BCAS3: variants seen among roughly 807,000 people sequenced by gnomAD.
BCAS3 encodes the protein BCAS3 microtubule associated cell migration factor.
BCAS3 carries 53 observed loss-of-function variants against 116.1 expected under a neutral mutation model. That is an observed-to-expected ratio of 0.46 (90% CI 0.37 to 0.57). BCAS3 has a LOEUF of 0.57. Among genes scored for constraint, BCAS3 ranks in the 20% least tolerant of loss-of-function variants. The pLI, the probability that BCAS3 is intolerant of heterozygous loss-of-function variation, is 0.00. For synonymous variants in BCAS3, 391 were observed against 408.2 expected (o/e 0.96, Z 0.51); for missense variants, 917 against 1,165.4 (o/e 0.79, Z 3.10).
intron 14 of BCAS3, among the ~76,000 whole-genome samples, chr17:60,975,163 G>A (rs971013340): frequency 2.0e-5 from 3 of 151,314 alleles, no homozygotes; most frequent in Non-Finnish European, 2.9e-5. Flanking sequence ...CACCGCGCCC[G>A]GCTAATTTTT....
intron 19 of BCAS3, among the ~76,000 whole-genome samples, chr17:61,049,260 C>G (rs985868916): frequency 4.0e-5 from 6 of 151,846 alleles, no homozygotes; most frequent in African/African-American, 1.5e-4. Flanking sequence ...ATGATTCTGT[C>G]ACTGCACTCC....
chr17:61,038,258 T>C (rs771576457), intron 18 of BCAS3, among the ~76,000 whole-genome samples: 18 of 151,896 alleles, frequency 1.2e-4, no homozygotes, highest in African/African-American at 2.2e-4. Context: ...CTCTACAGAT[T>C]AGTTTACAGT....
At position 61,269,297 on chromosome 17, in the gene BCAS3, T is replaced by C. The variant is rs368986152; in HGVS notation, c.2426-99030T>C. Among the ~76,000 whole-genome samples, 4 of 152,034 alleles carry C rather than the reference T, an allele frequency of 2.6e-5. No homozygotes were observed. In the East Asian group the frequency reaches 7.7e-4, roughly 29 times the overall value. ...ACCTGGCTAATTTTGTGTTTTTTAG[T>C]AGAGATGGGGTTTCTCCATGTTGGT... On this transcript the variant is annotated intron_variant, in intron 22 of 23. Coordinates refer to ENST00000407086, the MANE Select transcript of BCAS3 (RefSeq NM_017679.5).
At chr17:60,706,987 G>GTAT (rs1210105138) in intron 4 of BCAS3, among the ~76,000 whole-genome samples, 1 of 150,898 alleles carries the variant, frequency 6.6e-6, no homozygotes, top group Non-Finnish European at 1.5e-5. Flanking sequence ...GCTAATTTTT[G>GTAT]TATTATTATT....
At chr17:61,270,412 C>T (rs1263652386) in intron 22 of BCAS3, among the ~76,000 whole-genome samples, 1 of 152,056 alleles carries the variant, frequency 6.6e-6, no homozygotes, top group African/African-American at 2.4e-5. Context: ...CATAAGCCAC[C>T]ATGCCTGGCC....
chr17:60,933,251 A>G (rs2059754368), intron 13 of BCAS3, among the ~76,000 whole-genome samples: 2 of 152,358 alleles, frequency 1.3e-5, no homozygotes, highest in African/African-American at 2.4e-5. Context: ...GTTTTTGGAC[A>G]ACAAACTATT....
Position 61,040,908 on chromosome 17 carries a change from T to A in BCAS3, c.2029+16T>A, listed in dbSNP as rs1260200844. On this transcript the variant is annotated intron_variant, in intron 19 of 23. Transcript: ENST00000407086. Reference sequence around the variant, plus strand: ...CTTGCTGGCCGTAAGTAGTTCAGATTTTTTTTTTCCTTTCGTATGGTCTAT... The same window carrying A: ...CTTGCTGGCCGTAAGTAGTTCAGATATTTTTTTTCCTTTCGTATGGTCTAT... 1 of 1,602,456 alleles carries A rather than the reference T, an allele frequency of 6.2e-7. No homozygotes were observed. Among genetic ancestry groups the A allele is most frequent in the East Asian group, 2.2e-5 (1 of 44,798 alleles).
At chr17:60,971,384 TCTC>T (rs1192224751) in intron 14 of BCAS3, among the ~76,000 whole-genome samples, 1 of 152,158 alleles carries the variant, frequency 6.6e-6, no homozygotes, top group Non-Finnish European at 1.5e-5. Context: ...TATACTCAGT[TCTC>T]CTGCTGTCAT....
chr17:61,083,521 C>T lies in BCAS3; in HGVS notation c.2328-946C>T, dbSNP rs1347481666. ...TTCAGATCTTTTAATCTTCCAGATA[C>T]TTTTATGTTAATAGTATTTATTCTA... On this transcript the variant is annotated intron_variant, in intron 21 of 23. Transcript: ENST00000407086. The surrounding 1 kb of genome is among the most constrained non-coding windows in gnomAD (Gnocchi z 4.9). Among the ~76,000 whole-genome samples the T allele has an allele frequency of 6.6e-6, 1 of 151,586 alleles. No homozygotes were observed. Among genetic ancestry groups the T allele is most frequent in the East Asian group, 1.9e-4 (1 of 5,186 alleles).
intron 7 of BCAS3, among the ~76,000 whole-genome samples, chr17:60,831,678 G>A (rs1167943016): frequency 6.6e-6 from 1 of 151,944 alleles, no homozygotes; most frequent in East Asian, 1.9e-4. Flanking sequence ...GTGGGTGGAT[G>A]TGCTTTTGGA....
chr17:61,382,197 G>A (rs570162056), intron 23 of BCAS3, among the ~76,000 whole-genome samples: 60 of 151,242 alleles, frequency 4.0e-4, no homozygotes, highest in Admixed American at 3.9e-4. Context: ...ACATGGTGGC[G>A]CGTGCCTGTA....
chr17:60,872,488 CTGTA>C (rs2055200956), intron 8 of BCAS3, among the ~76,000 whole-genome samples: 1 of 144,830 alleles, frequency 6.9e-6, no homozygotes, highest in Admixed American at 6.8e-5. Flanking sequence ...ATGTATATAT[CTGTA>C]TGTATATATA....
At chr17:61,069,858 C>T in intron 19 of BCAS3, 2 of 818,678 alleles carry the variant, frequency 2.4e-6, no homozygotes, top group South Asian at 1.4e-5. Context: ...AAAAAAAAGA[C>T]CCTTTTCACA....
Position 61,095,997 on chromosome 17 carries a change from C to T in BCAS3, c.2425+11433C>T, listed in dbSNP as rs1209933149. 6.6e-6 allele frequency among the ~76,000 whole-genome samples: 1 copy of T among 152,010 alleles called. No individual in the cohort carries two copies. Among genetic ancestry groups the T allele is most frequent in the Non-Finnish European group, 1.5e-5 (1 of 67,996 alleles). The stretch of plus-strand genomic sequence containing the variant: ...CTTAAAAATACTAAATCTTTCAAAA[C>T]AAGCTTTTTTAATTTTTTGAGATGG... On this transcript the variant is annotated intron_variant, in intron 22 of 23. Coordinates refer to ENST00000407086, the MANE Select transcript of BCAS3 (RefSeq NM_017679.5). This position sits in a 1 kb window ranked among gnomAD's most constrained non-coding sequence, Gnocchi z 4.7.
At chr17:60,841,410 C>T (rs1195274377) in intron 7 of BCAS3, among the ~76,000 whole-genome samples, 24 of 147,582 alleles carry the variant, frequency 1.6e-4, no homozygotes, top group East Asian at 9.8e-4. Flanking sequence ...GACCGAGTCT[C>T]GCTCTGTCAC....
Position 61,309,220 on chromosome 17 carries a change from T to C in BCAS3, c.2426-59107T>C, listed in dbSNP as rs57528324. Among the ~76,000 whole-genome samples, 3,297 of 152,318 alleles carry C rather than the reference T, an allele frequency of 0.022. 126 individuals are homozygous for C. Among genetic ancestry groups the C allele is most frequent in the African/African-American group, 0.075 (3,096 of 41,548 alleles). On this transcript the variant is annotated intron_variant, in intron 22 of 23. Coordinates refer to ENST00000407086, the MANE Select transcript of BCAS3 (RefSeq NM_017679.5). The surrounding 1 kb of genome is among the most constrained non-coding windows in gnomAD (Gnocchi z 4.6). ...TGAGGATACGTATAAGGGAATTAGA[T>C]AACTCTCTACGTGATTTGCAAACAC...
intron 14 of BCAS3, among the ~76,000 whole-genome samples, chr17:60,963,489 C>G (rs932110007): frequency 2.0e-5 from 3 of 150,880 alleles, no homozygotes; most frequent in Non-Finnish European, 4.4e-5. Flanking sequence ...GTAGCTATTA[C>G]AAATGGGATT....
chr17:60,939,668 G>C (rs1477022357), intron 13 of BCAS3, among the ~76,000 whole-genome samples: 3 of 152,166 alleles, frequency 2.0e-5, no homozygotes, highest in South Asian at 2.1e-4. Flanking sequence ...AGGTGGTTGG[G>C]GAGAGGATGG....
chr17:60,759,524 T>C (rs561543360), intron 6 of BCAS3, among the ~76,000 whole-genome samples: 9 of 152,334 alleles, frequency 5.9e-5, no homozygotes, highest in Non-Finnish European at 1.3e-4. Context: ...TTAGATCTAC[T>C]AATATTCGCT....
Sources: gnomAD v4.1 joint callset for allele counts (sites outside exome capture counted in the v4.1 genomes callset) on GRCh38, gnomAD v4.1.1 for gene constraint, Gnocchi (gnomAD v3.1) non-coding constraint, MANE v1.5 for transcripts, NCBI Gene and HGNC (gene_info 2026-07-23, HGNC 2026-07-21) for gene names.